Variants in CLMN observed in about 807,000 individuals in gnomAD.
CLMN encodes calmin, also known as calmin (calponin-like, transmembrane).
A neutral mutation model predicts 92.7 loss-of-function variants in CLMN; 57 were observed. That is an observed-to-expected ratio of 0.61 (90% CI 0.50 to 0.77). The LOEUF (loss-of-function observed/expected upper bound fraction) is 0.77, where lower values mean the gene tolerates loss of function less well. Among genes scored for constraint, CLMN ranks in the 30% least tolerant of loss-of-function variants. The pLI is 0.00. For synonymous variants in CLMN, 466 were observed against 470.6 expected (o/e 0.99, Z 0.13); for missense variants, 1,158 against 1,237.5 (o/e 0.94, Z 0.96).
chr14:95,232,401 C>T (rs1359250690), intron 1 of CLMN, among the ~76,000 whole-genome samples: 1 of 152,218 alleles, frequency 6.6e-6, no homozygotes, highest in Non-Finnish European at 1.5e-5. Context: ...GAGAGCAAAG[C>T]TTATGGATTT....
At chr14:95,195,593 G>A (rs938285780) in intron 10 of CLMN, among the ~76,000 whole-genome samples, 5 of 152,194 alleles carry the variant, frequency 3.3e-5, no homozygotes, top group Non-Finnish European at 5.9e-5. Flanking sequence ...GCAACAAGGG[G>A]GCACAAAAAG....
At chr14:95,261,007 TG>T (rs1225211408) in intron 1 of CLMN, among the ~76,000 whole-genome samples, 4 of 152,010 alleles carry the variant, frequency 2.6e-5, no homozygotes, top group Admixed American at 2.6e-4. Flanking sequence ...GAGACTTTAT[TG>T]AATATGCATT....
chr14:95,269,424 T>C (rs1398377552), intron 1 of CLMN, among the ~76,000 whole-genome samples: 2 of 152,234 alleles, frequency 1.3e-5, no homozygotes, highest in Non-Finnish European at 2.9e-5. Flanking sequence ...GTTCTTCAAA[T>C]GGGAAAATAA....
intron 1 of CLMN, among the ~76,000 whole-genome samples, chr14:95,264,008 C>CTTTATTTATTTATTTA (rs34763756): frequency 3.5e-5 from 5 of 143,760 alleles, no homozygotes; most frequent in Admixed American, 7.0e-5. Flanking sequence ...CACCTTATTA[C>CTTTATTTATTTATTTA]TTTATTTATT....
chr14:95,272,353 A>G (rs1485864489), intron 1 of CLMN, among the ~76,000 whole-genome samples: 1 of 152,180 alleles, frequency 6.6e-6, no homozygotes, highest in Admixed American at 6.5e-5. Flanking sequence ...CTGCTGTAAC[A>G]CATAAGCCCC....
chr14:95,245,199 ATATATATAT>A (rs1186946140), intron 1 of CLMN, among the ~76,000 whole-genome samples: 643 of 35,230 alleles, frequency 0.018, 26 homozygotes, highest in African/African-American at 0.029. Flanking sequence ...TATATAATAT[ATATATATAT>A]TATATATATA....
rs553535552 is a variant in CLMN at position 95,263,932 on chromosome 14, C to A, written c.83-33799G>T. 4.6e-5 allele frequency among the ~76,000 whole-genome samples: 7 copies of A among 152,332 alleles called. No homozygotes were observed. In the South Asian group the frequency reaches 8.3e-4, roughly 18 times the overall value. ...ACTAGTATCATCATGACCTCAGACC[C>A]TCTGAGTCCGGATTCATGACCACCA... On this transcript the variant is annotated intron_variant, in intron 1 of 12. Transcript: ENST00000298912.
rs539968437 is a variant in CLMN at position 95,221,524 on chromosome 14, G to A, written c.324+167C>T. On this transcript the variant is annotated intron_variant, in intron 4 of 12. Transcript: ENST00000298912. ...CGGAGTCAGGGACTATGTTCCCAAC[G>A]GAGGGGTCATCTGAGTGATTTCTGT... is the stretch of plus-strand genomic sequence containing the variant. Among the ~76,000 whole-genome samples the A allele has an allele frequency of 7.2e-5, 11 of 152,290 alleles. No homozygotes were observed. In the South Asian group the frequency reaches 2.1e-3, roughly 29 times the overall value.
chr14:95,229,555 G>A (rs556966648), intron 2 of CLMN, among the ~76,000 whole-genome samples: 36 of 152,228 alleles, frequency 2.4e-4, no homozygotes, highest in Admixed American at 6.5e-4. Flanking sequence ...AATTCAAGTC[G>A]TCATGAGGAT....
At chr14:95,245,267 ATAT>A (rs1898498556) in intron 1 of CLMN, among the ~76,000 whole-genome samples, 1 of 49,908 alleles carries the variant, frequency 2.0e-5, no homozygotes, top group Non-Finnish European at 3.3e-5. Flanking sequence ...ATATATATAT[ATAT>A]TATATATATA....
chr14:95,194,631 C>T lies in CLMN; in HGVS notation c.2709-35G>A. On this transcript the variant is annotated intron_variant, in intron 10 of 12. Transcript: ENST00000298912. This position sits in a 1 kb window ranked among gnomAD's most constrained non-coding sequence, Gnocchi z 4.0. ...AAACACATGTTTTGAATTGGTACCA[C>T]CTGGAGCTCTTCATGGCTCAGTTGT... is the stretch of plus-strand genomic sequence containing the variant. The T allele has an allele frequency of 6.2e-7, 1 of 1,605,208 alleles. No individual in the cohort carries two copies. Among genetic ancestry groups the T allele is most frequent in the Admixed American group, 1.7e-5 (1 of 60,022 alleles).
At chr14:95,270,554 G>A (rs1675431556) in intron 1 of CLMN, among the ~76,000 whole-genome samples, 1 of 152,134 alleles carries the variant, frequency 6.6e-6, no homozygotes, top group Admixed American at 6.5e-5. Context: ...TTTTGGACTG[G>A]CTTCTTTTAG....
At chr14:95,216,744 A>G (rs754028287) in intron 4 of CLMN, among the ~76,000 whole-genome samples, 1 of 152,228 alleles carries the variant, frequency 6.6e-6, no homozygotes, top group Non-Finnish European at 1.5e-5. Flanking sequence ...GGTCTTATCT[A>G]TGTATTTAAC....
intron 1 of CLMN, among the ~76,000 whole-genome samples, chr14:95,316,608 C>A (rs1901784114): frequency 6.6e-6 from 1 of 152,200 alleles, no homozygotes; most frequent in Non-Finnish European, 1.5e-5. Context: ...TTTCAGAATC[C>A]TACAGTTCAG....
At chr14:95,247,445 T>C (rs1898614448) in intron 1 of CLMN, among the ~76,000 whole-genome samples, 1 of 152,234 alleles carries the variant, frequency 6.6e-6, no homozygotes, top group Non-Finnish European at 1.5e-5. Flanking sequence ...CCATCAGGCA[T>C]GAAGGAACCT....
chr14:95,217,107 T>C (rs996200756), intron 4 of CLMN, among the ~76,000 whole-genome samples: 6 of 152,242 alleles, frequency 3.9e-5, no homozygotes, highest in Non-Finnish European at 8.8e-5. Flanking sequence ...CACACATTTT[T>C]CTTCTTTCTT....
chr14:95,219,231 G>T (rs1028386501), intron 4 of CLMN, among the ~76,000 whole-genome samples: 1 of 152,210 alleles, frequency 6.6e-6, no homozygotes, highest in Non-Finnish European at 1.5e-5. Context: ...CAGCAGGAGG[G>T]TTTTGCCTGC....
rs538657360 is a variant in CLMN at position 95,289,867 on chromosome 14, T to C, written c.82+29844A>G. Among the ~76,000 whole-genome samples, 124 of 152,330 alleles carry C rather than the reference T, an allele frequency of 8.1e-4. 1 individual carries two copies. The South Asian group carries it at 0.012, about 14-fold the overall frequency. ...TTAGCCTACTGTGCCAGGTCTCCCA[T>C]GGTCCTTTTGCTCAGGGGCCAGCTT... On this transcript the variant is annotated intron_variant, in intron 1 of 12. Coordinates refer to ENST00000298912, the MANE Select transcript of CLMN (RefSeq NM_024734.4).
At chr14:95,276,586 C>T (rs1454482983) in intron 1 of CLMN, among the ~76,000 whole-genome samples, 1 of 152,134 alleles carries the variant, frequency 6.6e-6, no homozygotes, top group Admixed American at 6.5e-5. Flanking sequence ...CTCACCCCAC[C>T]GCAGGCAATA....
Sources: allele counts gnomAD v4.1 joint callset (sites outside exome capture counted in the v4.1 genomes callset), GRCh38; gene constraint gnomAD v4.1.1; non-coding constraint Gnocchi (gnomAD v3.1); transcripts MANE v1.5; gene names NCBI Gene and HGNC (gene_info 2026-07-23, HGNC 2026-07-21).